Variants in DIAPH1 observed in about 807,000 individuals in gnomAD.
The protein encoded by DIAPH1 is protein diaphanous homolog 1.
A neutral mutation model predicts 140.7 loss-of-function variants in DIAPH1; 46 were observed. That is an observed-to-expected ratio of 0.33 (90% CI 0.26 to 0.42). DIAPH1 has a LOEUF of 0.42. Among genes scored for constraint, DIAPH1 ranks in the 10% least tolerant of loss-of-function variants. The pLI, the probability that DIAPH1 is intolerant of heterozygous loss-of-function variation, is 1.00. For missense variants in DIAPH1, 1,310 were observed against 1,558.7 expected, an observed-to-expected ratio of 0.84 and a Z score of 2.69; for synonymous variants, 565 against 551.6, an observed-to-expected ratio of 1.02 and a Z score of -0.34.
At chr5:141,534,255 G>A (rs2099888695) in intron 19 of DIAPH1, 80 bp downstream of exon 19, 2 of 1,113,280 alleles carry the variant, frequency 1.8e-6, no homozygotes, top group African/African-American at 3.1e-5. Context: ...CCATATCAAG[G>A]GACCATAGAT....
rs375556814 is a variant in DIAPH1, at chr5:141,532,179, GTTT to G, written c.2581+2153_2581+2155del. ...CTTCCCGCCTTCACTTAATTTTTTG[GTTT>G]TTTTTTTTGAGACGGGTCTTACTCT... On this transcript the variant is annotated intron_variant, in intron 19 of 27. Transcript: ENST00000389054. 2.1e-5 allele frequency among the ~76,000 whole-genome samples: 3 copies of G among 146,148 alleles called. No homozygotes were observed. In the South Asian group the frequency reaches 6.5e-4, roughly 32 times the overall value.
At position 141,544,442 on chromosome 5, in the gene DIAPH1, T is replaced by C. The variant is rs577570321; in HGVS notation, c.2483-10009A>G. On this transcript the variant is annotated intron_variant, in intron 18 of 27. Transcript: ENST00000389054. Reference sequence around the variant, plus strand: ...ATTATTAAGAAATGAGAAGACAAGATTGGGAGAAAATATCTGCAAAACACT... The same window carrying C: ...ATTATTAAGAAATGAGAAGACAAGACTGGGAGAAAATATCTGCAAAACACT... 9.2e-5 allele frequency among the ~76,000 whole-genome samples: 14 copies of C among 152,136 alleles called. No individual in the cohort carries two copies. The East Asian group carries it at 2.3e-3, about 25-fold the overall frequency.
intron 1 of DIAPH1, among the ~76,000 whole-genome samples, chr5:141,592,212 G>C (rs1450086465): frequency 6.6e-6 from 1 of 152,038 alleles, no homozygotes; most frequent in Non-Finnish European, 1.5e-5. Context: ...GTCCAACAGA[G>C]GGCAGCAACA....
intron 18 of DIAPH1, chr5:141,561,029 A>C (rs10491312): frequency 0.085 from 36,455 of 430,258 alleles, 1,946 homozygotes; most frequent in South Asian, 0.12. Context: ...CTGACCTCAC[A>C]ATCTGGAACC....
intron 18 of DIAPH1, among the ~76,000 whole-genome samples, chr5:141,568,239 G>A (rs776884437): frequency 2.7e-5 from 4 of 150,910 alleles, no homozygotes; most frequent in Non-Finnish European, 5.9e-5. Flanking sequence ...CAAATAATGA[G>A]CTGCCTAAGG....
At chr5:141,518,393 C>T (rs924356641) in intron 27 of DIAPH1, among the ~76,000 whole-genome samples, 6 of 150,546 alleles carry the variant, frequency 4.0e-5, no homozygotes. Flanking sequence ...GTTTTAGAAG[C>T]AGGACCAGAT....
chr5:141,592,696 C>G (rs1000912149), intron 1 of DIAPH1, among the ~76,000 whole-genome samples: 9 of 152,228 alleles, frequency 5.9e-5, no homozygotes, highest in African/African-American at 1.9e-4. Context: ...AAACCAAACC[C>G]TTACTGTCCT....
chr5:141,594,401 G>A (rs1308515158), intron 1 of DIAPH1, among the ~76,000 whole-genome samples: 1 of 152,120 alleles, frequency 6.6e-6, no homozygotes, highest in Admixed American at 6.5e-5. Context: ...TGTTGTCTTA[G>A]TGCTAATCTT....
intron 7 of DIAPH1, 61 bp downstream of exon 7, chr5:141,582,251 A>T: frequency 7.8e-7 from 1 of 1,274,008 alleles, no homozygotes; most frequent in Non-Finnish European, 1.2e-6. Context: ...TTGGTTTGCC[A>T]ATAGAAGAGA....
rs200103640 is a variant in DIAPH1 at position 141,598,690 on chromosome 5, T to TAAC, written c.118-10443_118-10441dup. ...AACTTCCTAGATACTTTATAGTTTA[T>TAAC]AACAACAACAACAACAAAAAAGTCA... On this transcript the variant is annotated intron_variant, in intron 1 of 27. Transcript: ENST00000389054. Among the ~76,000 whole-genome samples the TAAC allele has an allele frequency of 2.6e-4, 39 of 152,220 alleles. No individual in the cohort carries two copies. In the South Asian group the frequency reaches 7.5e-3, roughly 29 times the overall value.
chr5:141,591,712 A>ATATATATATATATTTATATATATT (rs1554211012), intron 1 of DIAPH1, among the ~76,000 whole-genome samples: 5 of 71,668 alleles, frequency 7.0e-5, no homozygotes, highest in South Asian at 4.6e-4. Context: ...ATATATATAT[A>ATATATATATATATTTATATATATT]TATATATATA....
rs541217619 is a variant in DIAPH1 at position 141,530,802 on chromosome 5, G to A, written c.2582-1105C>T. On this transcript the variant is annotated intron_variant, in intron 19 of 27. Coordinates refer to ENST00000389054, the MANE Select transcript of DIAPH1 (RefSeq NM_005219.5). ...AGACTCAGATAAGCCTTTTGGAATC[G>A]CCTAGAAGAAAACTATACCAACATT... is the stretch of plus-strand genomic sequence containing the variant. 4.6e-5 allele frequency among the ~76,000 whole-genome samples: 7 copies of A among 152,180 alleles called. No homozygotes were observed. The South Asian group carries it at 6.2e-4, about 14-fold the overall frequency.
chr5:141,527,757 C>A (rs1473711155), intron 23 of DIAPH1, 60 bp from the exon 24 acceptor site: 2 of 1,508,172 alleles, frequency 1.3e-6, no homozygotes, highest in East Asian at 2.4e-5. Flanking sequence ...TACTAATAAT[C>A]CCAGCCTCAA....
rs1249367354 is a variant in DIAPH1 at position 141,565,334 on chromosome 5, C to A, written c.2482+6094G>T. On this transcript the variant is annotated intron_variant, in intron 18 of 27. Coordinates refer to ENST00000389054, the MANE Select transcript of DIAPH1 (RefSeq NM_005219.5). This position sits in a 1 kb window ranked among gnomAD's most constrained non-coding sequence, Gnocchi z 4.3. ...AAGTTTTATTCAAAAATTTACCTTT[C>A]TCACTTGAACTAAAGAAGAAAAGGA... 1 of 152,154 alleles carries A rather than the reference C, an allele frequency of 6.6e-6. No individual in the cohort carries two copies. The highest frequency in any genetic ancestry group is 1.5e-5 in the Non-Finnish European group (1 of 68,020). The allele number at this position is 152,154 out of a possible 1,614,324, so 9.4% of individuals were successfully genotyped here. A position where few individuals can be genotyped will look rare whatever the true frequency, so the allele number is the denominator to read the frequency against.
chr5:141,580,258 C>T (rs1034679479), intron 8 of DIAPH1, among the ~76,000 whole-genome samples: 8 of 152,234 alleles, frequency 5.3e-5, no homozygotes, highest in Middle Eastern at 3.4e-3. Flanking sequence ...TTTGCGGTGG[C>T]AGATGTCTAG....
intron 18 of DIAPH1, chr5:141,557,787 G>T (rs1192588782): frequency 6.6e-6 from 1 of 152,242 alleles, no homozygotes; most frequent in African/African-American, 2.4e-5. Flanking sequence ...TTGCGGCATC[G>T]ATTGCTCAGG....
At chr5:141,574,333 CAG>C in intron 15 of DIAPH1, 125 bp from the exon 16 acceptor site, 1 of 952,154 alleles carries the variant, frequency 1.1e-6, no homozygotes, top group South Asian at 1.5e-5. Flanking sequence ...TGAGAGGAGT[CAG>C]AGAGATGACA....
intron 18 of DIAPH1, among the ~76,000 whole-genome samples, chr5:141,568,857 ACTT>A (rs2099894751): frequency 6.6e-6 from 1 of 152,148 alleles, no homozygotes; most frequent in African/African-American, 2.4e-5. Context: ...TGTCCAAATA[ACTT>A]CTTCATCAAT....
rs778774012 is a variant in DIAPH1 at position 141,565,679 on chromosome 5, G to A, written c.2482+5749C>T. Among the ~76,000 whole-genome samples, 102 of 152,014 alleles carry A rather than the reference G, an allele frequency of 6.7e-4. No homozygotes were observed. Among genetic ancestry groups the A allele is most frequent in the Non-Finnish European group, 1.1e-3 (72 of 67,952 alleles). ...GAGGGAGGTTTGGGCTGTTGAGGAG[G>A]AAAAAAAGGTGTGAAATAACCTTTA... On this transcript the variant is annotated intron_variant, in intron 18 of 27. Coordinates refer to ENST00000389054, the MANE Select transcript of DIAPH1 (RefSeq NM_005219.5). The surrounding 1 kb of genome is among the most constrained non-coding windows in gnomAD (Gnocchi z 4.3).
Sources: allele counts gnomAD v4.1 joint callset (sites outside exome capture counted in the v4.1 genomes callset), GRCh38; gene constraint gnomAD v4.1.1; non-coding constraint Gnocchi (gnomAD v3.1); transcripts MANE v1.5; gene names NCBI Gene and HGNC (gene_info 2026-07-23, HGNC 2026-07-21).